CSMD3: variants seen among roughly 807,000 people sequenced by gnomAD.
CSMD3 encodes CUB and sushi domain-containing protein 3.
A neutral mutation model predicts 435.2 loss-of-function variants in CSMD3; 177 were observed. The observed-to-expected ratio is 0.41, with a 90% CI of 0.36 to 0.46. CSMD3 has a LOEUF of 0.46. CSMD3 is among the 20% of genes least tolerant of loss of function. The probability of loss-of-function intolerance (pLI) is 0.34; values close to 1 mark genes in which losing one functional copy is unlikely to be tolerated. For synonymous variants in CSMD3, 1,656 were observed against 1,520.5 expected (o/e 1.09, Z -2.07); for missense variants, 4,265 against 4,504.6 (o/e 0.95, Z 1.52).
intron 27 of CSMD3, among the ~76,000 whole-genome samples, chr8:112,524,558 G>A (rs1474044877): frequency 6.6e-6 from 1 of 151,882 alleles, no homozygotes; most frequent in Non-Finnish European, 1.5e-5. Context: ...AGGAACACAG[G>A]CTAAGAGGAA....
chr8:113,114,938 A>T (rs2090777006), intron 4 of CSMD3, among the ~76,000 whole-genome samples: 1 of 152,230 alleles, frequency 6.6e-6, no homozygotes, highest in Non-Finnish European at 1.5e-5. Context: ...AAGTAGGCAC[A>T]AATAAAGACA....
At chr8:113,314,241 A>G in intron 2 of CSMD3, 1 of 274,632 alleles carries the variant, frequency 3.6e-6, no homozygotes, top group Non-Finnish European at 7.0e-6. Context: ...CTTATATAGT[A>G]TGTTTTACTT....
At chr8:112,887,311 T>C (rs1302540023) in intron 10 of CSMD3, among the ~76,000 whole-genome samples, 1 of 151,002 alleles carries the variant, frequency 6.6e-6, no homozygotes, top group East Asian at 2.0e-4. Context: ...TCCAAGCTCT[T>C]ATCTTGTATG....
At chr8:112,651,684 C>T (rs2075131393) in intron 18 of CSMD3, among the ~76,000 whole-genome samples, 2 of 152,054 alleles carry the variant, frequency 1.3e-5, no homozygotes, top group African/African-American at 2.4e-5. Flanking sequence ...ACTACAGGCA[C>T]ATGCCACCAT....
At chr8:113,159,322 C>A (rs1216352094) in intron 4 of CSMD3, among the ~76,000 whole-genome samples, 2 of 151,780 alleles carry the variant, frequency 1.3e-5, no homozygotes, top group African/African-American at 4.8e-5. Flanking sequence ...TGTGTTTGTG[C>A]CAATATTGGC....
chr8:112,497,497 ATAT>A (rs1374458160), intron 30 of CSMD3, among the ~76,000 whole-genome samples: 1 of 150,482 alleles, frequency 6.6e-6, no homozygotes, highest in African/African-American at 2.4e-5. Flanking sequence ...ATATATATAT[ATAT>A]ATACCTACTA....
intron 13 of CSMD3, among the ~76,000 whole-genome samples, chr8:112,767,419 G>T (rs994368025): frequency 6.6e-6 from 1 of 151,738 alleles, no homozygotes; most frequent in Non-Finnish European, 1.5e-5. Context: ...GCAAGAAATA[G>T]ACTCAAGTTT....
chr8:112,502,037 G>A (rs969593858), intron 30 of CSMD3, among the ~76,000 whole-genome samples: 4 of 152,234 alleles, frequency 2.6e-5, no homozygotes, highest in Non-Finnish European at 4.4e-5. Flanking sequence ...ATCAACTTCA[G>A]GATTAGGGGA....
chr8:112,808,082 A>C (rs2132369524), intron 12 of CSMD3, among the ~76,000 whole-genome samples: 1 of 152,288 alleles, frequency 6.6e-6, no homozygotes, highest in South Asian at 2.1e-4. Flanking sequence ...CAGAAGAATT[A>C]TTTACAGTCT....
intron 32 of CSMD3, among the ~76,000 whole-genome samples, chr8:112,427,723 C>A (rs1813221131): frequency 6.6e-6 from 1 of 152,116 alleles, no homozygotes; most frequent in Non-Finnish European, 1.5e-5. Context: ...GGAGCTTCAT[C>A]CTACAGTATA....
intron 13 of CSMD3, among the ~76,000 whole-genome samples, chr8:112,746,600 CTT>C (rs1174626566): frequency 6.6e-6 from 1 of 151,820 alleles, no homozygotes; most frequent in East Asian, 1.9e-4. Context: ...ATTAGTACCT[CTT>C]TCTTTATGGC....
rs572717482 is a variant in CSMD3 at position 113,418,592 on chromosome 8, G to T, written c.178+18085C>A. Among the ~76,000 whole-genome samples the T allele has an allele frequency of 9.7e-4, 147 of 152,184 alleles. 1 individual carries two copies. The highest frequency in any genetic ancestry group is 3.4e-3 in the African/African-American group (141 of 41,538). On this transcript the variant is annotated intron_variant, in intron 1 of 70. Coordinates refer to ENST00000297405, the MANE Select transcript of CSMD3 (RefSeq NM_198123.2). Reference sequence around the variant, plus strand: ...GCATACACATACATGCAATAACAATGATAAAAATACGGGAGATGAAAAATA... The same window carrying T: ...GCATACACATACATGCAATAACAATTATAAAAATACGGGAGATGAAAAATA...
At chr8:112,761,641 T>C (rs2077840921) in intron 13 of CSMD3, among the ~76,000 whole-genome samples, 1 of 152,154 alleles carries the variant, frequency 6.6e-6, no homozygotes, top group African/African-American at 2.4e-5. Flanking sequence ...TTTTTAAGTC[T>C]GTGCTTAATT....
intron 1 of CSMD3, among the ~76,000 whole-genome samples, chr8:113,358,028 A>C (rs548598884): frequency 1.3e-5 from 2 of 152,332 alleles, no homozygotes; most frequent in South Asian, 4.1e-4. Flanking sequence ...TATGCATATT[A>C]AGTGTCTAAA....
chr8:112,975,950 G>C lies in CSMD3; in HGVS notation c.1229C>G (p.Thr410Arg), dbSNP rs780030998. The C allele has an allele frequency of 6.2e-7, 1 of 1,614,018 alleles. No individual in the cohort carries two copies. Among genetic ancestry groups the C allele is most frequent in the Non-Finnish European group, 8.5e-7 (1 of 1,179,972 alleles). The change falls in exon 7 of 71, where the codon ACG becomes AGG. Residue 410 changes from threonine to arginine, a missense_variant. Physicochemically the swap from Thr to Arg is moderately conservative, Grantham distance 71. Transcript: ENST00000297405. The stretch of plus-strand genomic sequence containing the variant: ...ATGAGGAGAGAGCCCGTCCTTGGAC[G>C]TGTTGGGGTCCAGACCTGAATTTCT... ...SLRNSGLDPN[T>R]SKDGLSPHPA...
rs1357514892 is a variant in CSMD3 at position 113,355,749 on chromosome 8, T to TATACACACAC, written c.179-40957_179-40956insGTGTGTGTAT. Among the ~76,000 whole-genome samples, 65 of 81,322 alleles carry TATACACACAC rather than the reference T, an allele frequency of 8.0e-4. 1 individual carries two copies. Among genetic ancestry groups the TATACACACAC allele is most frequent in the African/African-American group, 3.5e-3 (63 of 17,994 alleles). The allele number at this position is 81,322 out of a possible 152,430, so 53.4% of individuals were successfully genotyped here. On this transcript the variant is annotated intron_variant, in intron 1 of 70. Coordinates refer to ENST00000297405, the MANE Select transcript of CSMD3 (RefSeq NM_198123.2). ...ATATATATATATATATATATATATA[T>TATACACACAC]ACACACACACACACACACGGGGTGT...
intron 2 of CSMD3, among the ~76,000 whole-genome samples, chr8:113,296,715 A>G (rs557378013): frequency 7.1e-4 from 108 of 152,280 alleles, no homozygotes; most frequent in African/African-American, 2.5e-3. Flanking sequence ...AGAATACCAA[A>G]AAGTTGGCAG....
intron 32 of CSMD3, among the ~76,000 whole-genome samples, chr8:112,452,187 T>C (rs920029208): frequency 5.9e-5 from 9 of 152,192 alleles, no homozygotes; most frequent in African/African-American, 1.9e-4. Context: ...ACCTTGAATA[T>C]AAATAATCAG....
intron 16 of CSMD3, among the ~76,000 whole-genome samples, chr8:112,676,368 G>A (rs568658700): frequency 6.6e-6 from 1 of 152,162 alleles, no homozygotes; most frequent in South Asian, 2.1e-4. Flanking sequence ...TCACAGAGAG[G>A]AGGAGAAACC....
Sources: gnomAD v4.1 joint callset for allele counts (sites outside exome capture counted in the v4.1 genomes callset) on GRCh38, gnomAD v4.1.1 for gene constraint, MANE v1.5 for transcripts, NCBI Gene and HGNC (gene_info 2026-07-23, HGNC 2026-07-21) for gene names.